The following AIF1L variants were observed in gnomAD, a reference collection of about 807,000 sequenced individuals.
AIF1L encodes allograft inflammatory factor 1 like.
AIF1L carries 12 observed loss-of-function variants against 20.7 expected under a neutral mutation model. That is an observed-to-expected ratio of 0.58 (90% CI 0.37 to 0.94). The LOEUF (loss-of-function observed/expected upper bound fraction) is 0.94, where lower values mean the gene tolerates loss of function less well. Ranked by LOEUF, AIF1L falls within the 40% of genes least tolerant of loss-of-function variation. The probability of loss-of-function intolerance (pLI) is 0.01; values close to 1 mark genes in which losing one functional copy is unlikely to be tolerated. For missense variants in AIF1L, 173 were observed against 185.3 expected, an observed-to-expected ratio of 0.93 and a Z score of 0.39; for synonymous variants, 76 against 65.1, an observed-to-expected ratio of 1.17 and a Z score of -0.81.
At chr9:131,104,704 G>A (rs562876801) in intron 2 of AIF1L, among the ~76,000 whole-genome samples, 3 of 152,252 alleles carry the variant, frequency 2.0e-5, no homozygotes, top group African/African-American at 7.2e-5. Context: ...ATGGGCATAA[G>A]TATTAGAAAA....
chr9:131,096,944 C>T (rs1830542740), intron 2 of AIF1L, 81 bp downstream of exon 2: 2 of 1,407,328 alleles, frequency 1.4e-6, no homozygotes, highest in Non-Finnish European at 9.4e-7. Context: ...CGAGGCCGTG[C>T]CCGCCTCCAG....
Position 131,121,438 on chromosome 9 carries a change from C to A in AIF1L, c.*1116C>A. 1 of 283,090 alleles carries A rather than the reference C, an allele frequency of 3.5e-6. No homozygotes were observed. Among genetic ancestry groups the A allele is most frequent in the South Asian group, 1.1e-4 (1 of 9,224 alleles). 17.5% of individuals were successfully genotyped at this position (283,090 alleles called of 1,614,324 possible). Reference sequence around the variant, plus strand: ...AGCTTGGGAATTGAACTGGGGTCACCTGTGTCCTTTCTTATGGACTCGCAG... The same window carrying A: ...AGCTTGGGAATTGAACTGGGGTCACATGTGTCCTTTCTTATGGACTCGCAG... On this transcript the variant is annotated 3_prime_UTR_variant, in exon 6 of 6. Coordinates refer to ENST00000247291, the MANE Select transcript of AIF1L (RefSeq NM_031426.4).
chr9:131,100,084 C>A (rs1412311224), intron 2 of AIF1L, among the ~76,000 whole-genome samples: 1 of 152,128 alleles, frequency 6.6e-6, no homozygotes, highest in Non-Finnish European at 1.5e-5. Flanking sequence ...ACTCTGTTGC[C>A]CAGGCTGGGG....
At chr9:131,107,047 C>T (rs540942758) in intron 2 of AIF1L, among the ~76,000 whole-genome samples, 23 of 152,140 alleles carry the variant, frequency 1.5e-4, no homozygotes, top group Admixed American at 3.9e-4. Flanking sequence ...GAGCTGAGAT[C>T]GCGCCACTGC....
intron 2 of AIF1L, among the ~76,000 whole-genome samples, chr9:131,111,173 TAAA>T (rs33962374): frequency 8.0e-5 from 11 of 137,992 alleles, no homozygotes; most frequent in Non-Finnish European, 7.7e-5. Flanking sequence ...CAAGACTTCT[TAAA>T]AAAAAAAAAA....
chr9:131,111,366 T>C (rs974951271), intron 2 of AIF1L: 4 of 502,228 alleles, frequency 8.0e-6, no homozygotes, highest in Non-Finnish European at 1.4e-5. Flanking sequence ...TAGTCACCCG[T>C]AGTGAACCCT....
chr9:131,109,183 G>A (rs1830819445), intron 2 of AIF1L, among the ~76,000 whole-genome samples: 1 of 111,552 alleles, frequency 9.0e-6, no homozygotes, highest in Admixed American at 1.0e-4. Context: ...TGTCCCCCCA[G>A]AATGTTGAAT....
At chr9:131,114,366 C>A in intron 3 of AIF1L, 1 of 548,220 alleles carries the variant, frequency 1.8e-6, no homozygotes, top group Non-Finnish European at 3.3e-6. Context: ...TCCCTCGTGG[C>A]ACCTCTAGGA....
chr9:131,116,568 T>G (rs1831018895), intron 4 of AIF1L, among the ~76,000 whole-genome samples: 1 of 152,238 alleles, frequency 6.6e-6, no homozygotes, highest in Non-Finnish European at 1.5e-5. Flanking sequence ...CAGCTGATTT[T>G]TCTTTTGAAA....
chr9:131,104,909 A>G (rs1830712205), intron 2 of AIF1L, among the ~76,000 whole-genome samples: 1 of 151,820 alleles, frequency 6.6e-6, no homozygotes, highest in South Asian at 2.1e-4. Context: ...AAAAAAAAAA[A>G]AAAATTCATG....
At chr9:131,105,005 G>T (rs548737253) in intron 2 of AIF1L, among the ~76,000 whole-genome samples, 2 of 151,798 alleles carry the variant, frequency 1.3e-5, no homozygotes, top group East Asian at 3.9e-4. Flanking sequence ...CCAAACACCT[G>T]GGGTGGCTTC....
At chr9:131,096,974 T>TTCCCC in intron 2 of AIF1L, 111 bp downstream of exon 2, 4 of 1,229,776 alleles carry the variant, frequency 3.3e-6, no homozygotes, top group Non-Finnish European at 4.3e-6. Context: ...CTTCCTTCCC[T>TTCCCC]TCCCCTGGGC....
At chr9:131,098,502 G>T (rs1042659396) in intron 2 of AIF1L, among the ~76,000 whole-genome samples, 2 of 152,164 alleles carry the variant, frequency 1.3e-5, no homozygotes, top group Non-Finnish European at 2.9e-5. Flanking sequence ...TTCTGAGCTG[G>T]CTGGAGCCAC....
rs767185180 is a variant in AIF1L, at chr9:131,106,148, C to T, written c.94-5449C>T. On this transcript the variant is annotated intron_variant, in intron 2 of 5. Coordinates refer to ENST00000247291, the MANE Select transcript of AIF1L (RefSeq NM_031426.4). Reference sequence around the variant, plus strand: ...CGCTAAACCTGTGGCTGGGGCCCTGCCTCCTCCGAGCTGCCTCCTGATACC... The same window carrying T: ...CGCTAAACCTGTGGCTGGGGCCCTGTCTCCTCCGAGCTGCCTCCTGATACC... The T allele has an allele frequency of 1.2e-5, 18 of 1,525,054 alleles. No homozygotes were observed. In the African/African-American group the frequency reaches 1.5e-4, roughly 13 times the overall value. 94.5% of individuals were successfully genotyped at this position (1,525,054 alleles called of 1,614,324 possible). A position where few individuals can be genotyped will look rare whatever the true frequency, so the allele number is the denominator to read the frequency against.
In AIF1L at chr9:131,106,231, C is replaced by G. The variant is rs974529186; in HGVS notation, c.94-5366C>G. On this transcript the variant is annotated intron_variant, in intron 2 of 5. Coordinates refer to ENST00000247291, the MANE Select transcript of AIF1L (RefSeq NM_031426.4). Reference sequence around the variant, plus strand: ...CCGCAGCTACAGAGGATTTCATGTTCCCAGCACAGCTGCTTGCTGGCTCTG... The same window carrying G: ...CCGCAGCTACAGAGGATTTCATGTTGCCAGCACAGCTGCTTGCTGGCTCTG... The G allele has an allele frequency of 2.6e-6, 4 of 1,535,778 alleles. No homozygotes were observed. In the African/African-American group the frequency reaches 5.5e-5, roughly 21 times the overall value.
At chr9:131,097,786 C>T (rs1018918088) in intron 2 of AIF1L, among the ~76,000 whole-genome samples, 13 of 152,262 alleles carry the variant, frequency 8.5e-5, no homozygotes, top group African/African-American at 2.9e-4. Flanking sequence ...AAGGGCCTCT[C>T]ATCTCCAAGC....
chr9:131,113,687 A>G (rs1830945385), intron 3 of AIF1L, among the ~76,000 whole-genome samples: 1 of 152,012 alleles, frequency 6.6e-6, no homozygotes, highest in Non-Finnish European at 1.5e-5. Context: ...GAAGAAAAAG[A>G]AAGGGTGGGG....
Position 131,096,666 on chromosome 9 carries a change from C to CG in AIF1L, c.31+7dup. On this transcript the variant is annotated splice_region_variant and intron_variant, in intron 1 of 5. Transcript: ENST00000247291. ...GCTCAGCAACAGGTTCCAAGGTAGGCGCCGCCGTCCCCGAGCAGCCACCTG... is the reference window on the plus strand; with the variant it reads ...GCTCAGCAACAGGTTCCAAGGTAGGCGGCCGCCGTCCCCGAGCAGCCACCTG... The CG allele has an allele frequency of 6.8e-7, 1 of 1,477,336 alleles. No individual in the cohort carries two copies. Among genetic ancestry groups the CG allele is most frequent in the Non-Finnish European group, 8.9e-7 (1 of 1,121,712 alleles). The allele number at this position is 1,477,336 out of a possible 1,614,324, so 91.5% of individuals were successfully genotyped here.
At chr9:131,110,722 C>T (rs762010334) in intron 2 of AIF1L, among the ~76,000 whole-genome samples, 1 of 150,510 alleles carries the variant, frequency 6.6e-6, no homozygotes, top group Non-Finnish European at 1.5e-5. Flanking sequence ...AGGCTGGTCT[C>T]GAGCCCCTGA....
Sources: allele counts gnomAD v4.1 joint callset (sites outside exome capture counted in the v4.1 genomes callset), GRCh38; gene constraint gnomAD v4.1.1; transcripts MANE v1.5; gene names NCBI Gene and HGNC (gene_info 2026-07-23, HGNC 2026-07-21).